MUTYH: variants seen among roughly 807,000 people sequenced by gnomAD.
MUTYH encodes the protein adenine DNA glycosylase.
A neutral mutation model predicts 72.9 loss-of-function variants in MUTYH; 64 were observed. The ratio of observed to expected loss-of-function variants is 0.88; its 90% CI spans 0.72 to 1.08. MUTYH has a LOEUF of 1.08. Ranked by LOEUF, MUTYH falls within the 50% of genes least tolerant of loss-of-function variation. The probability of loss-of-function intolerance (pLI) is 0.00; values close to 1 mark genes in which losing one functional copy is unlikely to be tolerated. For synonymous variants in MUTYH, 234 were observed against 263.1 expected (o/e 0.89, Z 1.07); for missense variants, 633 against 671.0 (o/e 0.94, Z 0.63).
At chr1:45,333,075 T>C (rs573271991) in intron 5 of MUTYH, 22 bp downstream of exon 5, 1 of 1,614,114 alleles carries the variant, frequency 6.2e-7, no homozygotes, top group Non-Finnish European at 8.5e-7. Flanking sequence ...CCATGACCCT[T>C]CCCTTCCTCC....
At chr1:45,339,715 C>A in intron 1 of MUTYH, 184 bp downstream of exon 1, 2 of 794,548 alleles carry the variant, frequency 2.5e-6, no homozygotes, top group Non-Finnish European at 3.7e-6. Context: ...CACTCCCCGC[C>A]TCTTTCACTT....
At chr1:45,339,983 G>T (rs1384587477), upstream of MUTYH, 1 of 1,531,836 alleles carries the variant, frequency 6.5e-7, no homozygotes, top group African/African-American at 1.4e-5. Flanking sequence ...TACCTCCCGC[G>T]AGCTCTAGCG....
At position 45,332,435 on chromosome 1, in the gene MUTYH, G is replaced by T. The variant is rs1255687882; in HGVS notation, c.660C>A (p.Ala220=). Residue 220 remains alanine (A), a synonymous_variant, in exon 9 of 16, where the codon GCC becomes GCA. Transcript: ENST00000456914. ...NVARVLCRVR[A]IGADPSSTLV... is the part of the protein sequence containing the mutation. Reference sequence around the variant, plus strand: ...GGGTGCTGCTGGGATCAGCACCAATGGCTCGGACACGGCACAGCACCCGTG... The same window carrying T: ...GGGTGCTGCTGGGATCAGCACCAATTGCTCGGACACGGCACAGCACCCGTG... 6.2e-7 allele frequency: 1 copy of T among 1,614,174 alleles called. No individual in the cohort carries two copies. The highest frequency in any genetic ancestry group is 8.5e-7 in the Non-Finnish European group (1 of 1,180,018).
rs786203426 is a variant in MUTYH at position 45,331,812 on chromosome 1, G to A, written c.951C>T (p.Pro317=). The A allele has an allele frequency of 1.9e-6, 3 of 1,609,978 alleles. No individual in the cohort carries two copies. The highest frequency in any genetic ancestry group is 1.7e-6 in the Non-Finnish European group (2 of 1,177,988). ...NTGQCHLCLP[P]SEPWDQTLGV... is the part of the protein sequence containing the mutation. Reference sequence around the variant, plus strand: ...CCAGGGTCTGGTCCCAGGGCTCCGAGGGAGGCAGGCACAGGTGGCACTGTC... The same window carrying A: ...CCAGGGTCTGGTCCCAGGGCTCCGAAGGAGGCAGGCACAGGTGGCACTGTC... Residue 317 remains proline, a synonymous_variant, in exon 12 of 16, where the codon CCC becomes CCT. Transcript: ENST00000456914.
chr1:45,329,804 A>G (rs1173143571), intron 15 of MUTYH: 2 of 222,988 alleles, frequency 9.0e-6, no homozygotes, highest in African/African-American at 4.6e-5. Context: ...TGCTCACACT[A>G]CTCTTGGGAC....
Position 45,339,205 on chromosome 1 carries a change from ATTTTTTT to A in MUTYH, c.-7+687_-7+693del, listed in dbSNP as rs60609540. 1.2e-4 allele frequency among the ~76,000 whole-genome samples: 14 copies of A among 118,204 alleles called. No homozygotes were observed. The East Asian group carries it at 1.9e-3, about 16-fold the overall frequency. The allele number at this position is 118,204 out of a possible 152,430, so 77.5% of individuals were successfully genotyped here. On this transcript the variant is annotated intron_variant, in intron 1 of 15. Transcript: ENST00000456914. ...ACGGAGGGACTAGTCTCCAATAGGAATTTTTTTTTTTTTTTTTTTTTTGAGACGGAGT... is the reference window on the plus strand; with the variant it reads ...ACGGAGGGACTAGTCTCCAATAGGAATTTTTTTTTTTTTTTGAGACGGAGT...
chr1:45,335,799 G>A (rs1645794897), intron 1 of MUTYH, among the ~76,000 whole-genome samples: 1 of 151,926 alleles, frequency 6.6e-6, no homozygotes, highest in South Asian at 2.1e-4. Flanking sequence ...CAAAGACAGA[G>A]CAAGACTCTG....
intron 1 of MUTYH, 170 bp downstream of exon 1, chr1:45,339,729 G>A (rs1222914641): frequency 1.1e-6 from 1 of 892,220 alleles, no homozygotes; most frequent in African/African-American, 1.7e-5. Flanking sequence ...TTCACTTTCT[G>A]GAGATCACTG....
chr1:45,331,597 G>C (rs2149123218), intron 12 of MUTYH, 41 bp from the exon 13 acceptor site: 1 of 1,613,296 alleles, frequency 6.2e-7, no homozygotes, highest in Non-Finnish European at 8.5e-7. Context: ...GGCCTCAGCT[G>C]CCGATTCCCT....
At chr1:45,330,364 C>T in intron 15 of MUTYH, 152 bp downstream of exon 15, 1 of 916,866 alleles carries the variant, frequency 1.1e-6, no homozygotes, top group South Asian at 1.5e-5. Flanking sequence ...CCCTGCACCC[C>T]ACAATGGAAG....
rs767005489 is a variant in MUTYH, at chr1:45,329,477, G to T, written c.1435-40C>A. 2.5e-6 allele frequency: 4 copies of T among 1,612,294 alleles called. No individual in the cohort carries two copies. The Admixed American group carries it at 5.0e-5, about 20-fold the overall frequency. ...AAGGAGGGAGGCCTTGTAGTTGGGG[G>T]AGGGGGAGCAGAGAATCCTCTCCTT... is the stretch of plus-strand genomic sequence containing the variant. On this transcript the variant is annotated intron_variant, in intron 15 of 15. Coordinates refer to ENST00000456914, the MANE Select transcript of MUTYH (RefSeq NM_001048174.2).
Position 45,332,338 on chromosome 1 carries a change from CA to C in MUTYH, c.705-29del, listed in dbSNP as rs1645061731. 5 of 1,614,122 alleles carry C rather than the reference CA, an allele frequency of 3.1e-6. No homozygotes were observed. In the East Asian group the frequency reaches 1.1e-4, roughly 36 times the overall value. On this transcript the variant is annotated intron_variant, in intron 9 of 15. Transcript: ENST00000456914. ...AAAAGAAGGGAACACTGCTGTGAAGCAGAGCTCCTTTGCAGACACCCCTGAA... is the reference window on the plus strand; with the variant it reads ...AAAAGAAGGGAACACTGCTGTGAAGCGAGCTCCTTTGCAGACACCCCTGAA...
At position 45,331,729 on chromosome 1, in the gene MUTYH, G is replaced by A. The variant is rs35352891; in HGVS notation, c.1034C>T (p.Ala345Val). ...SRKPPREESS[A>V]TCVLEQPGAL... ...CCCAGGCTGTTCCAGAACACAGGTG[G>A]CAGAGCTCTCCTCCCTGGGGGGCTT... Residue 345 changes from alanine to valine, a missense_variant, in exon 12 of 16, where the codon GCC becomes GTC. Coordinates refer to ENST00000456914, the MANE Select transcript of MUTYH (RefSeq NM_001048174.2). 335 of 1,614,186 alleles carry A rather than the reference G, an allele frequency of 2.1e-4. 6 individuals are homozygous for A. In the East Asian group the frequency reaches 6.1e-3, roughly 29 times the overall value.
rs1570467350 is a variant in MUTYH at position 45,334,509 on chromosome 1, G to A, written c.-4C>T. ...CGGCTGCTCGTGGCTTCCTCATGAT[G>A]GCCTGAAACAAAAAGACCCAGCCAA... On this transcript the variant is annotated splice_region_variant and 5_prime_UTR_variant, in exon 2 of 16. Coordinates refer to ENST00000456914, the MANE Select transcript of MUTYH (RefSeq NM_001048174.2). 1.2e-6 allele frequency: 2 copies of A among 1,614,002 alleles called. No individual in the cohort carries two copies. Among genetic ancestry groups the A allele is most frequent in the Non-Finnish European group, 1.7e-6 (2 of 1,179,966 alleles).
intron 1 of MUTYH, chr1:45,339,590 G>T: frequency 6.0e-6 from 2 of 335,022 alleles, no homozygotes; most frequent in Non-Finnish European, 5.9e-6. Context: ...TCCCTTCCTC[G>T]CCATCCATAC....
chr1:45,338,146 G>A (rs1443636745), intron 1 of MUTYH: 2 of 510,068 alleles, frequency 3.9e-6, no homozygotes, highest in Admixed American at 2.3e-5. Context: ...GGTCAGAGAA[G>A]TAAACCAGAT....
chr1:45,330,661 C>CT, intron 14 of MUTYH, 104 bp from the exon 15 acceptor site: 1 of 1,391,292 alleles, frequency 7.2e-7, no homozygotes, highest in Non-Finnish European at 1.0e-6. Flanking sequence ...TTAAAATATG[C>CT]TTTTTTGGCC....
intron 1 of MUTYH, chr1:45,338,111 T>G: frequency 4.0e-6 from 2 of 499,656 alleles, no homozygotes; most frequent in Admixed American, 2.3e-5. Context: ...TAGAATGGAA[T>G]GAGATGGGAC....
Position 45,329,348 on chromosome 1 carries a change from G to A in MUTYH, c.1524C>T (p.His508=), listed in dbSNP as rs779326923. The part of the protein sequence containing the change: ...QQVLDNFFRS[H]ISTDAHSLNS... ...TGAGGCTGTGTGCATCAGTGGAGAT[G>A]TGAGACCGAAAGAAATTATCCAGGA... The change falls in exon 16 of 16, where the codon CAC becomes CAT. Residue 508 remains histidine (H), a synonymous_variant. Coordinates refer to ENST00000456914, the MANE Select transcript of MUTYH (RefSeq NM_001048174.2). 5 of 1,614,108 alleles carry A rather than the reference G, an allele frequency of 3.1e-6. No individual in the cohort carries two copies. In the East Asian group the frequency reaches 8.9e-5, roughly 29 times the overall value.
Sources: gnomAD v4.1 joint callset for allele counts (sites outside exome capture counted in the v4.1 genomes callset) on GRCh38, gnomAD v4.1.1 for gene constraint, MANE v1.5 for transcripts, NCBI Gene and HGNC (gene_info 2026-07-23, HGNC 2026-07-21) for gene names.